The following QTGAL variants were observed in gnomAD, a reference collection of about 807,000 sequenced individuals.
QTGAL encodes the protein queuosine-tRNA galactosyltransferase.
the QTGAL span, among the ~76,000 whole-genome samples, chr17:83,008,766 C>A: frequency 6.6e-6 from 1 of 152,154 alleles, no homozygotes; most frequent in East Asian, 1.9e-4. Flanking sequence ...GGATCCCTGC[C>A]ATTGAGCGAG....
the QTGAL span, among the ~76,000 whole-genome samples, chr17:83,036,605 G>A: frequency 2.6e-5 from 4 of 152,204 alleles, no homozygotes; most frequent in Non-Finnish European, 5.9e-5. Context: ...CCAAAGGAAC[G>A]GGACTGAAAA....
chr17:82,971,464 G>T, the QTGAL span, among the ~76,000 whole-genome samples: 1 of 152,230 alleles, frequency 6.6e-6, no homozygotes, highest in East Asian at 1.9e-4. Context: ...AGCGACTGGG[G>T]CCAGCCACGC....
At chr17:82,984,659 C>T in the QTGAL span, among the ~76,000 whole-genome samples, 1 of 152,076 alleles carries the variant, frequency 6.6e-6, no homozygotes, top group African/African-American at 2.4e-5. Context: ...TGCCAGCAGC[C>T]TGAGCTTGGA....
chr17:83,041,635 T>C, the QTGAL span, among the ~76,000 whole-genome samples: 59,459 of 151,994 alleles, frequency 0.39, 12,267 homozygotes, highest in East Asian at 0.62. Flanking sequence ...TAGGTAAACC[T>C]GCTGTAAGTT....
chr17:82,978,799 C>G, the QTGAL span: 2 of 152,166 alleles, frequency 1.3e-5, no homozygotes, highest in African/African-American at 4.8e-5. The surrounding 1 kb of genome is among the most constrained non-coding windows in gnomAD (Gnocchi z 4.8). Context: ...AGGAAGACGC[C>G]ATTGCTCCCA....
the QTGAL span, among the ~76,000 whole-genome samples, chr17:83,035,863 C>T: frequency 1.6e-4 from 20 of 121,768 alleles, no homozygotes; most frequent in Non-Finnish European, 3.7e-4. Flanking sequence ...CCTCGGAGGG[C>T]GGTTTGCACG....
chr17:83,006,692 C>A, the QTGAL span: 4 of 985,500 alleles, frequency 4.1e-6, no homozygotes, highest in Non-Finnish European at 4.8e-6. The surrounding 1 kb of genome is among the most constrained non-coding windows in gnomAD (Gnocchi z 5.8). Context: ...GTGCAGGAGG[C>A]GGCCTTCTGT....
At chr17:83,049,923 T>C in the QTGAL span, among the ~76,000 whole-genome samples, 1 of 152,186 alleles carries the variant, frequency 6.6e-6, no homozygotes, top group Admixed American at 6.5e-5. Context: ...TAATATTAAG[T>C]GATACGGAGC....
the QTGAL span, among the ~76,000 whole-genome samples, chr17:83,002,876 T>C: frequency 1.3e-5 from 1 of 76,496 alleles, no homozygotes; most frequent in Non-Finnish European, 2.6e-5. Context: ...GTGGGATTCC[T>C]GAGCCCGCCC....
chr17:83,000,053 C>A, the QTGAL span, among the ~76,000 whole-genome samples: 1 of 152,148 alleles, frequency 6.6e-6, no homozygotes, highest in African/African-American at 2.4e-5. Flanking sequence ...ACCTCTGCCA[C>A]CTGGGTTCAA....
chr17:83,014,542 C>T, the QTGAL span: 663 of 1,613,274 alleles, frequency 4.1e-4, 1 homozygote, highest in African/African-American at 7.6e-3. Context: ...ACACACTTTC[C>T]GTTTGTTTGT....
At chr17:82,942,421 G>C in the QTGAL span, 3 of 1,613,840 alleles carry the variant, frequency 1.9e-6, no homozygotes, top group African/African-American at 1.3e-5. Context: ...GAGCTGACCA[G>C]CCTGAGCTTG....
At chr17:82,980,522 T>TCCAGCCTCC in the QTGAL span, among the ~76,000 whole-genome samples, 1 of 152,228 alleles carries the variant, frequency 6.6e-6, no homozygotes, top group Non-Finnish European at 1.5e-5. Context: ...CCTCCAGCTA[T>TCCAGCCTCC]AAATCGGGGT....
the QTGAL span, chr17:83,030,863 G>C: frequency 6.6e-6 from 1 of 152,262 alleles, no homozygotes; most frequent in South Asian, 2.1e-4. Flanking sequence ...ACGGGAGTCG[G>C]GGGACAGGAG....
chr17:82,954,860 T>C, the QTGAL span, among the ~76,000 whole-genome samples: 1 of 152,128 alleles, frequency 6.6e-6, no homozygotes, highest in Non-Finnish European at 1.5e-5. Context: ...TCGACAAACC[T>C]AACAAAAACA....
At chr17:83,048,472 G>T in the QTGAL span, 1 of 1,603,408 alleles carries the variant, frequency 6.2e-7, no homozygotes, top group Non-Finnish European at 8.5e-7. Context: ...TTTACTTACC[G>T]CCTCTAGGAG....
At chr17:82,979,674 C>T in the QTGAL span, among the ~76,000 whole-genome samples, 1 of 152,296 alleles carries the variant, frequency 6.6e-6, no homozygotes, top group East Asian at 1.9e-4. Context: ...GTAAAGATGT[C>T]AACTCTATAC....
the QTGAL span, among the ~76,000 whole-genome samples, chr17:82,963,075 C>A: frequency 6.6e-6 from 1 of 152,178 alleles, no homozygotes; most frequent in Non-Finnish European, 1.5e-5. Context: ...AGAAAGGCAT[C>A]AGGGAAGAAG....
the QTGAL span, among the ~76,000 whole-genome samples, chr17:82,979,200 TAATAA>T: frequency 3.9e-5 from 6 of 152,076 alleles, no homozygotes; most frequent in Non-Finnish European, 4.4e-5. Context: ...TTGAAGAGAT[TAATAA>T]AATAGATAAT....
Sources: allele counts gnomAD v4.1 joint callset (sites outside exome capture counted in the v4.1 genomes callset), GRCh38; gene constraint gnomAD v4.1.1; non-coding constraint Gnocchi (gnomAD v3.1); transcripts MANE v1.5; gene names NCBI Gene and HGNC (gene_info 2026-07-23, HGNC 2026-07-21).